The following GAB2 variants were observed in gnomAD, a reference collection of about 807,000 sequenced individuals.
GAB2 encodes the protein GRB2-associated-binding protein 2.
A neutral mutation model predicts 65.5 loss-of-function variants in GAB2; 26 were observed. The observed-to-expected ratio is 0.40, with a 90% CI of 0.29 to 0.55. GAB2 has a LOEUF of 0.55. Ranked by LOEUF, GAB2 falls within the 20% of genes least tolerant of loss-of-function variation. The pLI, the probability that GAB2 is intolerant of heterozygous loss-of-function variation, is 0.53. For synonymous variants in GAB2, 321 were observed against 329.6 expected (o/e 0.97, Z 0.28); for missense variants, 884 against 875.8 (o/e 1.01, Z -0.12).
intron 3 of GAB2, among the ~76,000 whole-genome samples, chr11:78,237,746 G>A (rs1225183605): frequency 6.6e-6 from 1 of 152,174 alleles, no homozygotes; most frequent in East Asian, 1.9e-4. Context: ...GTATCAAGTG[G>A]TCTAGTGTAT....
chr11:78,223,104 TC>T (rs1365036113), intron 6 of GAB2, among the ~76,000 whole-genome samples: 1 of 152,192 alleles, frequency 6.6e-6, no homozygotes, highest in East Asian at 1.9e-4. Flanking sequence ...TTGCCACTGA[TC>T]CAATGCCAGG....
intron 3 of GAB2, among the ~76,000 whole-genome samples, chr11:78,247,619 T>C (rs1865333678): frequency 1.3e-5 from 2 of 152,220 alleles, no homozygotes. Context: ...AAAAGCCATG[T>C]AAACTGAATT....
rs534346254 is a variant in GAB2 at position 78,247,533 on chromosome 11, C to T, written c.620+2624G>A. ...TCTCTCAACTATGGGTTAATGTATACGGTTTCTTCATATGTCTGGCATTTT... is the reference window on the plus strand; with the variant it reads ...TCTCTCAACTATGGGTTAATGTATATGGTTTCTTCATATGTCTGGCATTTT... On this transcript the variant is annotated intron_variant, in intron 3 of 9. Coordinates refer to ENST00000361507, the MANE Select transcript of GAB2 (RefSeq NM_080491.3). 1.2e-3 allele frequency among the ~76,000 whole-genome samples: 178 copies of T among 152,228 alleles called. 1 individual carries two copies. The highest frequency in any genetic ancestry group is 4.0e-3 in the African/African-American group (168 of 41,530).
chr11:78,386,543 C>G (rs1032704425), intron 1 of GAB2, among the ~76,000 whole-genome samples: 1 of 152,128 alleles, frequency 6.6e-6, no homozygotes, highest in African/African-American at 2.4e-5. Context: ...GGCTTTCAAA[C>G]TGGTGCTACA....
At chr11:78,232,913 T>TA (rs1158192810) in intron 3 of GAB2, among the ~76,000 whole-genome samples, 2 of 152,212 alleles carry the variant, frequency 1.3e-5, no homozygotes, top group African/African-American at 2.4e-5. Context: ...GTACCTAATG[T>TA]AAAAGTGCTT....
rs779953433 is a variant in GAB2 at position 78,226,507 on chromosome 11, G to A, written c.1165C>T (p.Arg389Cys). 84 of 1,612,726 alleles carry A rather than the reference G, an allele frequency of 5.2e-5. No individual in the cohort carries two copies. Among genetic ancestry groups the A allele is most frequent in the South Asian group, 1.5e-4 (14 of 91,046 alleles). Residue 389 changes from arginine (R) to cysteine (C), a missense_variant, in exon 4 of 10, where the codon CGC (arginine) becomes TGC (cysteine). By Grantham distance (180) the Arg-to-Cys change is radical. Transcript: ENST00000361507. ...SRSVAATIPR[R>C]NTLPAMDNSR... ...TTGTCCATTGCAGGGAGGGTGTTGC[G>A]TCTGGGGATGGTGGCAGCGACAGAT... is the stretch of plus-strand genomic sequence containing the variant.
At chr11:78,395,152 G>A (rs1022580361) in intron 1 of GAB2, among the ~76,000 whole-genome samples, 9 of 152,276 alleles carry the variant, frequency 5.9e-5, no homozygotes, top group African/African-American at 2.2e-4. Flanking sequence ...ATGGGGAAGA[G>A]GAGTAAAAAA....
intron 1 of GAB2, among the ~76,000 whole-genome samples, chr11:78,291,556 T>TTTTTTC (rs1866679068): frequency 1.9e-5 from 1 of 52,836 alleles, no homozygotes. Flanking sequence ...TACTTTTTTC[T>TTTTTTC]TTTTCTTTTT....
rs2134460198 is a variant in GAB2, at chr11:78,223,538, G to A, written c.1441C>T (p.Pro481Ser). 1 of 1,613,640 alleles carries A rather than the reference G, an allele frequency of 6.2e-7. No homozygotes were observed. Among genetic ancestry groups the A allele is most frequent in the Non-Finnish European group, 8.5e-7 (1 of 1,179,804 alleles). The stretch of plus-strand genomic sequence containing the variant: ...AGTGAGTCAAAGTGATGGGCCCCTG[G>A]GCTCATTGGGATGTAGACGCTCTGG... ...NSQSVYIPMS[P>S]GAHHFDSLGY... Residue 481 changes from proline to serine, a missense_variant, in exon 6 of 10, where the codon CCA becomes TCA. Transcript: ENST00000361507.
intron 1 of GAB2, among the ~76,000 whole-genome samples, chr11:78,299,034 A>G (rs10899460): frequency 0.16 from 23,959 of 152,196 alleles, 2,437 homozygotes; most frequent in East Asian, 0.4. Flanking sequence ...CTCAACAGGG[A>G]TTCAGATCAG....
intron 2 of GAB2, among the ~76,000 whole-genome samples, chr11:78,274,314 A>G (rs892152906): frequency 5.3e-5 from 8 of 152,218 alleles, no homozygotes; most frequent in Non-Finnish European, 1.2e-4. Context: ...GGAAGGAAAG[A>G]AAGGAAAAGA....
intron 1 of GAB2, among the ~76,000 whole-genome samples, chr11:78,391,266 G>A (rs1382492674): frequency 2.6e-5 from 4 of 152,080 alleles, no homozygotes; most frequent in South Asian, 2.1e-4. Context: ...CTGCACAACA[G>A]CCTGGGTGAC....
intron 1 of GAB2, among the ~76,000 whole-genome samples, chr11:78,286,886 A>G (rs1866500541): frequency 6.6e-6 from 1 of 152,228 alleles, no homozygotes; most frequent in African/African-American, 2.4e-5. Context: ...ATGCAAGGAG[A>G]ATACGGGACA....
At chr11:78,230,276 C>G (rs936162282) in intron 3 of GAB2, among the ~76,000 whole-genome samples, 16 of 152,226 alleles carry the variant, frequency 1.1e-4, no homozygotes, top group Non-Finnish European at 1.8e-4. Flanking sequence ...TTCCCTCTAC[C>G]CCGGCATCCT....
At chr11:78,309,464 CT>C (rs5792803) in intron 1 of GAB2, among the ~76,000 whole-genome samples, 84,646 of 137,128 alleles carry the variant, frequency 0.62, 27,880 homozygotes, top group Non-Finnish European at 0.77. Flanking sequence ...TGCCCCCTGC[CT>C]TTTTTTTTTT....
intron 1 of GAB2, among the ~76,000 whole-genome samples, chr11:78,315,658 A>G (rs1855588095): frequency 6.6e-6 from 1 of 152,222 alleles, no homozygotes; most frequent in Admixed American, 6.5e-5. Flanking sequence ...AAAACAAAAA[A>G]TAGATAAATT....
rs550455990 is a variant in GAB2 at position 78,400,931 on chromosome 11, T to C, written c.75+16715A>G. Among the ~76,000 whole-genome samples the C allele has an allele frequency of 1.5e-4, 21 of 144,276 alleles. 1 individual carries two copies. In the East Asian group the frequency reaches 3.8e-3, roughly 26 times the overall value. 94.7% of individuals were successfully genotyped at this position (144,276 alleles called of 152,430 possible). ...AAAAAAAAAAAAAAAAAAAAAAGGT[T>C]GTTTCATTAAGCGAAGCAGCAGGCA... On this transcript the variant is annotated intron_variant, in intron 1 of 9. Coordinates refer to ENST00000361507, the MANE Select transcript of GAB2 (RefSeq NM_080491.3).
Position 78,234,891 on chromosome 11 carries a change from T to TC in GAB2, c.621-7841dup, listed in dbSNP as rs1864942563. ...CAAGCATGGTGGCACGCGCCTGTAATCCCAGCTACTCAGGAGGCTGAGGCA... is the reference window on the plus strand; with the variant it reads ...CAAGCATGGTGGCACGCGCCTGTAATCCCCAGCTACTCAGGAGGCTGAGGCA... On this transcript the variant is annotated intron_variant, in intron 3 of 9. Transcript: ENST00000361507. Among the ~76,000 whole-genome samples, 3 of 152,034 alleles carry TC rather than the reference T, an allele frequency of 2.0e-5. No homozygotes were observed. The South Asian group carries it at 6.2e-4, about 32-fold the overall frequency.
chr11:78,410,639 G>A (rs1222561032), intron 1 of GAB2, among the ~76,000 whole-genome samples: 2 of 152,216 alleles, frequency 1.3e-5, no homozygotes, highest in Non-Finnish European at 2.9e-5. Flanking sequence ...CCACTCACAT[G>A]TATGTAACAA....
Sources: gnomAD v4.1 joint callset for allele counts (sites outside exome capture counted in the v4.1 genomes callset) on GRCh38, gnomAD v4.1.1 for gene constraint, MANE v1.5 for transcripts, NCBI Gene and HGNC (gene_info 2026-07-23, HGNC 2026-07-21) for gene names.